The following GRID2 variants were observed in gnomAD, a reference collection of about 807,000 sequenced individuals.
GRID2 encodes the protein glutamate ionotropic receptor delta type subunit 2.
Under a neutral mutation model 114.8 loss-of-function variants are expected in GRID2, and 33 were observed. The observed-to-expected ratio is 0.29, with a 90% CI of 0.22 to 0.38. The LOEUF (loss-of-function observed/expected upper bound fraction) is 0.38. Among genes scored for constraint, GRID2 ranks in the 10% least tolerant of loss-of-function variants. The pLI, the probability that GRID2 is intolerant of heterozygous loss-of-function variation, is 1.00. For synonymous variants in GRID2, 505 were observed against 449.9 expected (o/e 1.12, Z -1.55); for missense variants, 1,184 against 1,257.7 (o/e 0.94, Z 0.89).
At chr4:93,615,214 T>C (rs558965416) in intron 13 of GRID2, among the ~76,000 whole-genome samples, 1 of 152,350 alleles carries the variant, frequency 6.6e-6, no homozygotes, top group Non-Finnish European at 1.5e-5. Flanking sequence ...ACTCTTTGAT[T>C]CTACAAGCTT....
rs184717296 is a variant in GRID2 at position 93,677,661 on chromosome 4, A to C, written c.2360+51226A>C. Among the ~76,000 whole-genome samples, 338 of 152,310 alleles carry C rather than the reference A, an allele frequency of 2.2e-3. 4 individuals are homozygous for C. In the East Asian group the frequency reaches 0.038, roughly 17 times the overall value. On this transcript the variant is annotated intron_variant, in intron 14 of 15. Coordinates refer to ENST00000282020, the MANE Select transcript of GRID2 (RefSeq NM_001510.4). ...TCTGCAGACACCGCTGCTGATACCCAGGCAAACAGGGTCTGGAGTGGACCT... is the reference window on the plus strand; with the variant it reads ...TCTGCAGACACCGCTGCTGATACCCCGGCAAACAGGGTCTGGAGTGGACCT...
At chr4:93,660,289 C>T (rs1441346498) in intron 14 of GRID2, among the ~76,000 whole-genome samples, 1 of 151,974 alleles carries the variant, frequency 6.6e-6, no homozygotes, top group Non-Finnish European at 1.5e-5. Context: ...TAAAGTGAAA[C>T]CACATTGAAA....
chr4:93,645,780 C>T, intron 14 of GRID2, among the ~76,000 whole-genome samples: 1 of 152,164 alleles, frequency 6.6e-6, no homozygotes, highest in South Asian at 2.1e-4. Context: ...CCACTGATGT[C>T]ACATTTTTGT....
At chr4:92,856,900 A>G (rs1424036106) in intron 2 of GRID2, among the ~76,000 whole-genome samples, 1 of 152,158 alleles carries the variant, frequency 6.6e-6, no homozygotes, top group South Asian at 2.1e-4. Context: ...GTCTGTCAGT[A>G]CGTTTTAACA....
intron 1 of GRID2, among the ~76,000 whole-genome samples, chr4:92,459,935 GTCACTC>G (rs993317013): frequency 2.0e-5 from 3 of 148,384 alleles, no homozygotes; most frequent in African/African-American, 7.5e-5. Flanking sequence ...GATTCAAACT[GTCACTC>G]TTTCCTGGGT....
chr4:92,914,744 C>T (rs144255869), intron 2 of GRID2, among the ~76,000 whole-genome samples: 258 of 152,176 alleles, frequency 1.7e-3, no homozygotes, highest in African/African-American at 5.9e-3. Flanking sequence ...GCAAAAGACA[C>T]GGTCTCATTC....
intron 10 of GRID2, among the ~76,000 whole-genome samples, chr4:93,430,972 C>T (rs991882858): frequency 7.2e-5 from 11 of 152,070 alleles, no homozygotes. Flanking sequence ...TTTTGCAGCT[C>T]TCCAAGCAAA....
At position 92,933,322 on chromosome 4, in the gene GRID2, C is replaced by G. The variant is rs185398792; in HGVS notation, c.245-151673C>G. Among the ~76,000 whole-genome samples the G allele has an allele frequency of 1.1e-3, 170 of 151,208 alleles. 1 individual carries two copies. Among genetic ancestry groups the G allele is most frequent in the Admixed American group, 1.5e-3 (22 of 15,110 alleles). On this transcript the variant is annotated intron_variant, in intron 2 of 15. Coordinates refer to ENST00000282020, the MANE Select transcript of GRID2 (RefSeq NM_001510.4). ...AGGAGAAGTTTGTTATCTAATGTACCTTGATCACTAATTTATATTACAAAA... is the reference window on the plus strand; with the variant it reads ...AGGAGAAGTTTGTTATCTAATGTACGTTGATCACTAATTTATATTACAAAA...
intron 12 of GRID2, among the ~76,000 whole-genome samples, chr4:93,501,258 T>G (rs759561518): frequency 2.0e-5 from 3 of 152,014 alleles, no homozygotes; most frequent in Non-Finnish European, 4.4e-5. Flanking sequence ...AATGGTATGC[T>G]CTCTAAGTAT....
chr4:92,633,135 T>C (rs1184922754), intron 2 of GRID2, among the ~76,000 whole-genome samples: 1 of 152,126 alleles, frequency 6.6e-6, no homozygotes, highest in African/African-American at 2.4e-5. Context: ...ATAAGCTCTT[T>C]CTGGTGCATG....
intron 8 of GRID2, among the ~76,000 whole-genome samples, chr4:93,280,709 A>C (rs1313275225): frequency 1.3e-5 from 2 of 152,018 alleles, no homozygotes; most frequent in African/African-American, 4.8e-5. Flanking sequence ...GAAACAGATT[A>C]TGTAACAGTC....
intron 14 of GRID2, among the ~76,000 whole-genome samples, chr4:93,728,772 G>A (rs538768496): frequency 6.6e-6 from 1 of 152,050 alleles, no homozygotes; most frequent in African/African-American, 2.4e-5. Flanking sequence ...ATCTTTGTTG[G>A]TTTAAAGTCT....
intron 1 of GRID2, among the ~76,000 whole-genome samples, chr4:92,428,512 G>T (rs1256548150): frequency 6.6e-6 from 1 of 151,824 alleles, no homozygotes; most frequent in East Asian, 1.9e-4. Context: ...TGGACAATTG[G>T]TATATTCCCG....
intron 1 of GRID2, among the ~76,000 whole-genome samples, chr4:92,532,715 A>G (rs1053302731): frequency 1.2e-4 from 18 of 152,206 alleles, no homozygotes; most frequent in African/African-American, 3.9e-4. Flanking sequence ...AAGCTAAGTC[A>G]TGTAAATGTA....
chr4:92,918,881 A>G (rs150764970), intron 2 of GRID2, among the ~76,000 whole-genome samples: 1,699 of 152,190 alleles, frequency 0.011, 43 homozygotes, highest in African/African-American at 0.039. Context: ...GAGTTAGGGA[A>G]GATTCCCTCT....
chr4:92,480,905 C>A (rs114303958), intron 1 of GRID2, among the ~76,000 whole-genome samples: 4,576 of 152,220 alleles, frequency 0.03, 98 homozygotes, highest in Middle Eastern at 0.071. Flanking sequence ...CCTTCTACTT[C>A]ATTGTAGCTC....
chr4:93,128,057 A>C (rs867496042), intron 4 of GRID2, among the ~76,000 whole-genome samples: 5 of 119,604 alleles, frequency 4.2e-5, no homozygotes, highest in South Asian at 2.5e-4. Context: ...AAAAAAAAAA[A>C]AACAACAGTA....
chr4:92,873,783 C>T (rs780139068), intron 2 of GRID2, among the ~76,000 whole-genome samples: 6 of 152,070 alleles, frequency 3.9e-5, no homozygotes, highest in Admixed American at 1.3e-4. Context: ...GGCATGATCT[C>T]GGCTCACCGC....
intron 1 of GRID2, among the ~76,000 whole-genome samples, chr4:92,341,871 C>T (rs1259083629): frequency 2.7e-5 from 4 of 149,272 alleles, no homozygotes; most frequent in East Asian, 2.0e-4. Context: ...GCTGAGATCG[C>T]GCCATTGCAC....
Sources: gnomAD v4.1 joint callset for allele counts (sites outside exome capture counted in the v4.1 genomes callset) on GRCh38, gnomAD v4.1.1 for gene constraint, MANE v1.5 for transcripts, NCBI Gene and HGNC (gene_info 2026-07-23, HGNC 2026-07-21) for gene names.